The following CDC42BPA variants were observed in gnomAD, a reference collection of about 807,000 sequenced individuals.
CDC42BPA encodes CDC42 binding protein kinase alpha.
A neutral mutation model predicts 223.5 loss-of-function variants in CDC42BPA; 80 were observed. The ratio of observed to expected loss-of-function variants is 0.36; its 90% CI spans 0.30 to 0.43. The LOEUF (loss-of-function observed/expected upper bound fraction) is 0.43, where lower values mean the gene tolerates loss of function less well. Ranked by LOEUF, CDC42BPA falls within the 20% of genes least tolerant of loss-of-function variation. The pLI, the probability that CDC42BPA is intolerant of heterozygous loss-of-function variation, is 1.00. For missense variants in CDC42BPA, 1,743 were observed against 2,099.9 expected, an observed-to-expected ratio of 0.83 and a Z score of 3.32; for synonymous variants, 694 against 718.6, an observed-to-expected ratio of 0.97 and a Z score of 0.55.
intron 35 of CDC42BPA, among the ~76,000 whole-genome samples, chr1:227,003,825 C>CA (rs778501773): frequency 1.3e-5 from 2 of 151,666 alleles, no homozygotes; most frequent in Non-Finnish European, 2.9e-5. Context: ...CAGTTAAAAA[C>CA]AAAAAACAAA....
At chr1:227,202,010 T>C (rs1007210253) in intron 3 of CDC42BPA, among the ~76,000 whole-genome samples, 16 of 152,120 alleles carry the variant, frequency 1.1e-4, no homozygotes, top group South Asian at 2.1e-4. Flanking sequence ...TGGTTCTTTT[T>C]TCTCGCTCTG....
intron 1 of CDC42BPA, among the ~76,000 whole-genome samples, chr1:227,299,573 G>A (rs1476786732): frequency 6.6e-6 from 1 of 152,042 alleles, no homozygotes; most frequent in African/African-American, 2.4e-5. Context: ...ATTAATATCT[G>A]CTTTAAATTC....
Position 227,318,197 on chromosome 1 carries a change from C to G in CDC42BPA, c.-1015G>C, listed in dbSNP as rs1047132173. On this transcript the variant is annotated 5_prime_UTR_variant, in exon 1 of 37. Coordinates refer to ENST00000366766, the MANE Select transcript of CDC42BPA (RefSeq NM_001394014.1). Reference sequence around the variant, plus strand: ...ATTCAAAGGACACAAGCAGCAGCAGCTGCGGCGGCGGCGCGGGCGGCTCTG... The same window carrying G: ...ATTCAAAGGACACAAGCAGCAGCAGGTGCGGCGGCGGCGCGGGCGGCTCTG... 6.4e-6 allele frequency: 1 copy of G among 156,002 alleles called. No homozygotes were observed. Among genetic ancestry groups the G allele is most frequent in the Non-Finnish European group, 1.4e-5 (1 of 71,144 alleles). The allele number at this position is 156,002 out of a possible 1,614,324, so 9.7% of individuals were successfully genotyped here.
At chr1:227,241,220 T>C (rs903814444) in intron 2 of CDC42BPA, among the ~76,000 whole-genome samples, 16 of 151,948 alleles carry the variant, frequency 1.1e-4, no homozygotes, top group Admixed American at 6.6e-4. Context: ...ACAAAAAATA[T>C]TAGGCAAGAA....
At chr1:227,252,440 A>G (rs1481093154) in intron 2 of CDC42BPA, among the ~76,000 whole-genome samples, 1 of 152,202 alleles carries the variant, frequency 6.6e-6, no homozygotes, top group Non-Finnish European at 1.5e-5. Context: ...AGGCTTCACC[A>G]GTTAAATCTT....
intron 21 of CDC42BPA, among the ~76,000 whole-genome samples, chr1:227,063,228 G>C (rs1428057864): frequency 6.6e-6 from 1 of 152,086 alleles, no homozygotes; most frequent in East Asian, 1.9e-4. Context: ...CACTGAAATT[G>C]AATTCATGGC....
chr1:227,190,675 C>T (rs1387372596), intron 5 of CDC42BPA, among the ~76,000 whole-genome samples: 1 of 152,208 alleles, frequency 6.6e-6, no homozygotes, highest in African/African-American at 2.4e-5. Flanking sequence ...CACTTACTTA[C>T]AATTCCACAT....
intron 20 of CDC42BPA, 57 bp from the exon 21 acceptor site, chr1:227,069,910 G>A (rs1677921448): frequency 8.6e-7 from 1 of 1,162,668 alleles, no homozygotes; most frequent in African/African-American, 1.5e-5. Context: ...GATTTTAATG[G>A]ATAACCTTCC....
At chr1:227,011,474 G>C (rs538019894) in intron 34 of CDC42BPA, among the ~76,000 whole-genome samples, 1 of 152,210 alleles carries the variant, frequency 6.6e-6, no homozygotes, top group South Asian at 2.1e-4. Context: ...CTAAATAGAC[G>C]TGTTATGAAA....
chr1:227,305,188 A>C (rs1692328911), intron 1 of CDC42BPA, among the ~76,000 whole-genome samples: 1 of 152,204 alleles, frequency 6.6e-6, no homozygotes, highest in African/African-American at 2.4e-5. Flanking sequence ...GTTCCAGAGG[A>C]AAAAAATTAT....
chr1:227,043,189 C>T (rs370812823), intron 23 of CDC42BPA, among the ~76,000 whole-genome samples: 36 of 152,120 alleles, frequency 2.4e-4, no homozygotes, highest in East Asian at 7.7e-4. Context: ...CCAAGGAGGG[C>T]GGATCACGAG....
Position 227,051,934 on chromosome 1 carries a change from T to A in CDC42BPA, c.2956A>T (p.Ile986Phe). 1 of 1,366,536 alleles carries A rather than the reference T, an allele frequency of 7.3e-7. No homozygotes were observed. Among genetic ancestry groups the A allele is most frequent in the Non-Finnish European group, 9.8e-7 (1 of 1,021,826 alleles). 84.7% of individuals were successfully genotyped at this position (1,366,536 alleles called of 1,614,324 possible). A position where few individuals can be genotyped will look rare whatever the true frequency, so the allele number is the denominator to read the frequency against. Residue 986 changes from isoleucine to phenylalanine, a missense_variant, in exon 22 of 37, where the codon ATC becomes TTC. By Grantham distance (21) the Ile-to-Phe change is conservative. This residue lies in a region of CDC42BPA where 678 missense variants were observed against 777.5 expected (regional missense o/e 0.87). Transcript: ENST00000366766. ...GAAGGAGATGTGGACCGTGACTGGA[T>A]GTGAAACTTGACGCTCGGGTTCCAT... The part of the protein sequence containing the change: ...YVWNPSVKFH[I>F]QSRSTSPSTS...
rs376431443 is a variant in CDC42BPA at position 227,107,828 on chromosome 1, CCTT to C, written c.2001+4481_2001+4483del. On this transcript the variant is annotated intron_variant, in intron 14 of 36. Transcript: ENST00000366766. ...ATGAGTCATACTGGGTTATTTGTAT[CCTT>C]CTAAGAATTTGTCCATTTCATCTAG... Among the ~76,000 whole-genome samples the C allele has an allele frequency of 4.6e-3, 694 of 152,196 alleles. 5 individuals are homozygous for C. The highest frequency in any genetic ancestry group is 0.016 in the African/African-American group (669 of 41,530).
Position 227,143,043 on chromosome 1 carries a change from T to C in CDC42BPA, c.1144-19A>G. 3 of 1,489,780 alleles carry C rather than the reference T, an allele frequency of 2.0e-6. No individual in the cohort carries two copies. The highest frequency in any genetic ancestry group is 2.7e-6 in the Non-Finnish European group (3 of 1,123,136). 92.3% of individuals were successfully genotyped at this position (1,489,780 alleles called of 1,614,324 possible). ...TCGTTTCCTAAAGGAGGAAAAAACATCTGGTAAGAAATAGATAGCTATATG... is the reference window on the plus strand; with the variant it reads ...TCGTTTCCTAAAGGAGGAAAAAACACCTGGTAAGAAATAGATAGCTATATG... On this transcript the variant is annotated intron_variant, in intron 8 of 36. Coordinates refer to ENST00000366766, the MANE Select transcript of CDC42BPA (RefSeq NM_001394014.1).
At chr1:227,185,268 C>A (rs995703061) in intron 5 of CDC42BPA, among the ~76,000 whole-genome samples, 1 of 152,000 alleles carries the variant, frequency 6.6e-6, no homozygotes, top group African/African-American at 2.4e-5. Flanking sequence ...AGATTTTTCG[C>A]AGCTCTTATC....
intron 15 of CDC42BPA, among the ~76,000 whole-genome samples, chr1:227,098,189 C>T (rs1684370887): frequency 6.6e-6 from 1 of 152,026 alleles, no homozygotes; most frequent in African/African-American, 2.4e-5. Context: ...TTCTCACTGC[C>T]CTTTCTCTAT....
chr1:227,145,813 C>T lies in CDC42BPA; in HGVS notation c.895-76G>A, dbSNP rs541194265. 3.4e-5 allele frequency: 38 copies of T among 1,133,266 alleles called. 1 individual carries two copies. The South Asian group carries it at 6.6e-4, about 20-fold the overall frequency. 70.2% of individuals were successfully genotyped at this position (1,133,266 alleles called of 1,614,324 possible). A position where few individuals can be genotyped will look rare whatever the true frequency, so the allele number is the denominator to read the frequency against. On this transcript the variant is annotated intron_variant, in intron 7 of 36. Coordinates refer to ENST00000366766, the MANE Select transcript of CDC42BPA (RefSeq NM_001394014.1). ...AGTAGTTGGTTGACTTATTTATTTT[C>T]TTAAAAATACATTTTATTTTAAATA...
intron 23 of CDC42BPA, among the ~76,000 whole-genome samples, chr1:227,042,621 A>G (rs1406694616): frequency 6.6e-6 from 1 of 152,162 alleles, no homozygotes; most frequent in Non-Finnish European, 1.5e-5. Flanking sequence ...TGGTGTGAAA[A>G]TGTATAAAGA....
chr1:227,150,224 C>CAAA lies in CDC42BPA; in HGVS notation c.694-2668_694-2666dup, dbSNP rs35252773. ...GGGCGACAAGAGTGAAACCCTGTCT[C>CAAA]AAAAAAAAAAAAACAAAAAAAACAA... is the stretch of plus-strand genomic sequence containing the variant. On this transcript the variant is annotated intron_variant, in intron 6 of 36. Transcript: ENST00000366766. Among the ~76,000 whole-genome samples, 50 of 136,666 alleles carry CAAA rather than the reference C, an allele frequency of 3.7e-4. 1 individual carries two copies. The South Asian group carries it at 7.1e-3, about 19-fold the overall frequency. The allele number at this position is 136,666 out of a possible 152,430, so 89.7% of individuals were successfully genotyped here.
Sources: allele counts gnomAD v4.1 joint callset (sites outside exome capture counted in the v4.1 genomes callset), GRCh38; gene constraint gnomAD v4.1.1; regional missense constraint gnomAD v4.1.1; transcripts MANE v1.5; gene names NCBI Gene and HGNC (gene_info 2026-07-23, HGNC 2026-07-21).